The following LPP variants were observed in gnomAD, a reference collection of about 807,000 sequenced individuals.
LPP encodes the protein LIM domain containing preferred translocation partner in lipoma.
A neutral mutation model predicts 60.4 loss-of-function variants in LPP; 38 were observed. That is an observed-to-expected ratio of 0.63 (90% CI 0.49 to 0.83). The LOEUF is 0.83. Ranked by LOEUF, LPP falls within the 40% of genes least tolerant of loss-of-function variation. The pLI, the probability that LPP is intolerant of heterozygous loss-of-function variation, is 0.00. For missense variants in LPP, 902 were observed against 783.6 expected (o/e 1.15, Z -1.80); for synonymous variants, 328 against 290.8 (o/e 1.13, Z -1.30).
chr3:188,458,409 T>C (rs1798246586), intron 4 of LPP, among the ~76,000 whole-genome samples: 1 of 152,220 alleles, frequency 6.6e-6, no homozygotes, highest in African/African-American at 2.4e-5. Flanking sequence ...ACAGTTGAGA[T>C]GCATTATCTT....
At chr3:188,837,223 A>T (rs1560275305) in intron 9 of LPP, among the ~76,000 whole-genome samples, 1 of 151,828 alleles carries the variant, frequency 6.6e-6, no homozygotes, top group Non-Finnish European at 1.5e-5. Context: ...TACTAAAAAT[A>T]CAAAAATTAG....
At chr3:188,447,848 C>A (rs1251492992) in intron 4 of LPP, among the ~76,000 whole-genome samples, 1 of 151,948 alleles carries the variant, frequency 6.6e-6, no homozygotes, top group Non-Finnish European at 1.5e-5. Flanking sequence ...AGAACATATG[C>A]CTCCTCATTT....
At chr3:188,822,131 T>C (rs1402226603) in intron 9 of LPP, among the ~76,000 whole-genome samples, 2 of 152,070 alleles carry the variant, frequency 1.3e-5, no homozygotes, top group African/African-American at 4.8e-5. Context: ...ACCGAAAGGG[T>C]CTCTACTAGC....
chr3:188,542,515 C>A (rs1015786489), intron 6 of LPP, among the ~76,000 whole-genome samples: 1 of 152,114 alleles, frequency 6.6e-6, no homozygotes, highest in South Asian at 2.1e-4. Flanking sequence ...CTTTTCTAGT[C>A]TCTTGCTTTT....
At chr3:188,255,304 G>A (rs370679766) in intron 2 of LPP, among the ~76,000 whole-genome samples, 1 of 152,138 alleles carries the variant, frequency 6.6e-6, no homozygotes. Context: ...ACGAGGAAAC[G>A]GAGGCTCAGA....
At chr3:188,824,605 A>G (rs1441793162) in intron 9 of LPP, among the ~76,000 whole-genome samples, 3 of 152,142 alleles carry the variant, frequency 2.0e-5, no homozygotes, top group African/African-American at 7.2e-5. Context: ...GGAGTAATGC[A>G]GTTCTCAAAG....
intron 9 of LPP, among the ~76,000 whole-genome samples, chr3:188,834,957 C>T (rs1256816570): frequency 6.6e-6 from 1 of 152,150 alleles, no homozygotes; most frequent in Admixed American, 6.5e-5. Flanking sequence ...GCTAACTGAT[C>T]TCTGAGAGAG....
intron 9 of LPP, among the ~76,000 whole-genome samples, chr3:188,851,464 C>A (rs912817410): frequency 1.3e-5 from 2 of 152,134 alleles, no homozygotes; most frequent in African/African-American, 4.8e-5. Context: ...AATTTGAAAC[C>A]ACATTTTCCC....
At chr3:188,203,589 A>ATATATATATT (rs1553811398) in intron 1 of LPP, among the ~76,000 whole-genome samples, 16 of 97,714 alleles carry the variant, frequency 1.6e-4, no homozygotes, top group African/African-American at 6.2e-4. Context: ...ATATATATAT[A>ATATATATATT]TTTAAATATA....
At chr3:188,709,268 G>C (rs1416559842) in intron 8 of LPP, 1 of 152,172 alleles carries the variant, frequency 6.6e-6, no homozygotes, top group Non-Finnish European at 1.5e-5. Flanking sequence ...GGTAAGACAA[G>C]CATACAAATA....
At chr3:188,716,688 G>A (rs1714144268) in intron 8 of LPP, among the ~76,000 whole-genome samples, 1 of 151,662 alleles carries the variant, frequency 6.6e-6, no homozygotes, top group African/African-American at 2.4e-5. Flanking sequence ...CCCATTCAGC[G>A]TAATGAAATC....
At chr3:188,424,304 A>G (rs113535261) in intron 4 of LPP, among the ~76,000 whole-genome samples, 91,728 of 151,360 alleles carry the variant, frequency 0.61, 29,981 homozygotes, top group East Asian at 0.98. Context: ...GTTCTGTTTC[A>G]TTGGTCTATA....
At chr3:188,274,991 A>G (rs1206264757) in intron 2 of LPP, among the ~76,000 whole-genome samples, 1 of 152,186 alleles carries the variant, frequency 6.6e-6, no homozygotes, top group Non-Finnish European at 1.5e-5. Context: ...AGGTAAGCCT[A>G]ATTCAGTGCT....
intron 2 of LPP, among the ~76,000 whole-genome samples, chr3:188,311,469 TCTCTAAACTAAA>T (rs1383505413): frequency 1.5e-5 from 2 of 134,670 alleles, no homozygotes; most frequent in African/African-American, 6.0e-5. Context: ...CGAGACCCTA[TCTCTAAACTAAA>T]CTAAACTAAA....
intron 5 of LPP, among the ~76,000 whole-genome samples, chr3:188,519,192 A>G (rs1387759673): frequency 1.3e-5 from 2 of 152,162 alleles, no homozygotes; most frequent in East Asian, 3.9e-4. Flanking sequence ...GAAATCTGGT[A>G]CACACTACCT....
intron 1 of LPP, among the ~76,000 whole-genome samples, chr3:188,157,062 T>A (rs1716721291): frequency 6.6e-6 from 1 of 152,238 alleles, no homozygotes; most frequent in Non-Finnish European, 1.5e-5. Flanking sequence ...TATTACAATG[T>A]ACCATAGTTG....
chr3:188,640,078 T>C (rs1311943770), intron 7 of LPP, among the ~76,000 whole-genome samples: 1 of 151,746 alleles, frequency 6.6e-6, no homozygotes, highest in Non-Finnish European at 1.5e-5. Flanking sequence ...CGTATGTTTA[T>C]TGCAGCATTA....
chr3:188,568,896 G>A (rs927712225), intron 6 of LPP: 1 of 152,112 alleles, frequency 6.6e-6, no homozygotes, highest in Admixed American at 6.6e-5. Flanking sequence ...CTGAAGGGTG[G>A]AGAGGGGGAA....
chr3:188,202,632 G>A (rs1378533001), intron 1 of LPP, among the ~76,000 whole-genome samples: 1 of 152,192 alleles, frequency 6.6e-6, no homozygotes, highest in Non-Finnish European at 1.5e-5. Flanking sequence ...TGTCTGCCTG[G>A]GGATGGCAGC....
Sources: gnomAD v4.1 joint callset for allele counts (sites outside exome capture counted in the v4.1 genomes callset) on GRCh38, gnomAD v4.1.1 for gene constraint, MANE v1.5 for transcripts, NCBI Gene and HGNC (gene_info 2026-07-23, HGNC 2026-07-21) for gene names.